The following SYNE1 variants were observed in gnomAD, a reference collection of about 807,000 sequenced individuals.
The protein encoded by SYNE1 is spectrin repeat containing nuclear envelope protein 1, also known as nesprin-1.
Under a neutral mutation model 1,111.0 loss-of-function variants are expected in SYNE1, and 616 were observed. The ratio of observed to expected loss-of-function variants is 0.55; its 90% CI spans 0.52 to 0.59. SYNE1 has a LOEUF of 0.59. Ranked by LOEUF, SYNE1 falls within the 20% of genes least tolerant of loss-of-function variation. The pLI, the probability that SYNE1 is intolerant of heterozygous loss-of-function variation, is 0.00. For missense variants in SYNE1, 10,006 were observed against 10,417.0 expected, an observed-to-expected ratio of 0.96 and a Z score of 1.72; for synonymous variants, 3,855 against 3,825.8, an observed-to-expected ratio of 1.01 and a Z score of -0.28.
chr6:152,351,942 G>A (rs547380917), intron 70 of SYNE1, 85 bp downstream of exon 70: 13 of 1,269,374 alleles, frequency 1.0e-5, no homozygotes, highest in African/African-American at 5.9e-5. Context: ...CAGCTGTTAC[G>A]GGTGACACCC....
intron 98 of SYNE1, among the ~76,000 whole-genome samples, chr6:152,270,837 C>T (rs2093142267): frequency 6.6e-6 from 1 of 152,156 alleles, no homozygotes; most frequent in Admixed American, 6.5e-5. Flanking sequence ...GAGACAATTG[C>T]ACTCTGCATG....
chr6:152,151,543 AATCT>A lies in SYNE1; in HGVS notation c.24450+6_24450+9del. 1 of 1,613,680 alleles carries A rather than the reference AATCT, an allele frequency of 6.2e-7. No homozygotes were observed. Among genetic ancestry groups the A allele is most frequent in the Non-Finnish European group, 8.5e-7 (1 of 1,179,920 alleles). ...TCTTCACTTTGGTAACTTGAAAAATAATCTATTACCTTGAGTTGCTTTATTTTAG... is the reference window on the plus strand; with the variant it reads ...TCTTCACTTTGGTAACTTGAAAAATAATTACCTTGAGTTGCTTTATTTTAG... On this transcript the variant is annotated splice_donor_region_variant and intron_variant, in intron 135 of 145. Transcript: ENST00000367255.
At chr6:152,569,353 T>A (rs2099432413) in intron 3 of SYNE1, among the ~76,000 whole-genome samples, 1 of 152,224 alleles carries the variant, frequency 6.6e-6, no homozygotes, top group Non-Finnish European at 1.5e-5. Flanking sequence ...GATTCTCCTT[T>A]CAGTTTCCTC....
At chr6:152,529,399 T>C (rs2099184728) in intron 4 of SYNE1, among the ~76,000 whole-genome samples, 1 of 152,160 alleles carries the variant, frequency 6.6e-6, no homozygotes, top group South Asian at 2.1e-4. Context: ...ATTCTCTGCT[T>C]GGGTCCAGAA....
intron 3 of SYNE1, among the ~76,000 whole-genome samples, chr6:152,622,202 GT>G (rs2099676953): frequency 1.3e-5 from 2 of 152,118 alleles, no homozygotes; most frequent in South Asian, 2.1e-4. Flanking sequence ...CAATAAATGA[GT>G]TTTTGACACT....
chr6:152,153,117 C>T (rs1294423738), intron 133 of SYNE1, among the ~76,000 whole-genome samples: 1 of 152,206 alleles, frequency 6.6e-6, no homozygotes, highest in Non-Finnish European at 1.5e-5. Flanking sequence ...CTTGGCTCAT[C>T]ACACTGTTTA....
chr6:152,299,997 G>C (rs1180875470), intron 93 of SYNE1, among the ~76,000 whole-genome samples: 1 of 152,058 alleles, frequency 6.6e-6, no homozygotes, highest in Non-Finnish European at 1.5e-5. Flanking sequence ...AAAGCTTTTT[G>C]ACATTTAATT....
chr6:152,219,481 A>T (rs2079560690), intron 119 of SYNE1, among the ~76,000 whole-genome samples: 2 of 141,604 alleles, frequency 1.4e-5, no homozygotes, highest in Admixed American at 1.5e-4. Context: ...GCAGAAAAAC[A>T]TACATAAACA....
intron 3 of SYNE1, among the ~76,000 whole-genome samples, chr6:152,620,246 C>T (rs1353851934): frequency 6.6e-6 from 1 of 152,102 alleles, no homozygotes; most frequent in Non-Finnish European, 1.5e-5. Flanking sequence ...TTCTTAGTCT[C>T]ATATGTGGGA....
intron 3 of SYNE1, among the ~76,000 whole-genome samples, chr6:152,626,271 C>T (rs2099685528): frequency 7.2e-6 from 1 of 139,500 alleles, no homozygotes; most frequent in East Asian, 2.5e-4. Context: ...TTGCAACTTT[C>T]ACTTATGGTC....
intron 93 of SYNE1, among the ~76,000 whole-genome samples, chr6:152,299,030 T>C (rs1309779539): frequency 6.6e-6 from 1 of 152,152 alleles, no homozygotes; most frequent in African/African-American, 2.4e-5. Flanking sequence ...CTCACTGAGT[T>C]TTAGGACCTG....
chr6:152,132,838 T>A (rs2056152931), intron 143 of SYNE1, among the ~76,000 whole-genome samples: 1 of 151,374 alleles, frequency 6.6e-6, no homozygotes, highest in African/African-American at 2.4e-5. Flanking sequence ...GAAAAAAAAA[T>A]ATAAAAAATT....
chr6:152,398,502 T>C, intron 49 of SYNE1, 117 bp downstream of exon 49: 1 of 830,648 alleles, frequency 1.2e-6, no homozygotes, highest in East Asian at 2.6e-5. Flanking sequence ...CCTAATTCTG[T>C]TAGGGACGAG....
chr6:152,479,306 A>C (rs998240950), intron 14 of SYNE1, among the ~76,000 whole-genome samples: 13 of 152,218 alleles, frequency 8.5e-5, no homozygotes, highest in African/African-American at 2.9e-4. Context: ...TCTTCAAGAA[A>C]GGAAGGCAAG....
At chr6:152,160,690 T>C (rs2062302877) in intron 131 of SYNE1, among the ~76,000 whole-genome samples, 1 of 152,154 alleles carries the variant, frequency 6.6e-6, no homozygotes, top group African/African-American at 2.4e-5. Context: ...TTGTAGATAT[T>C]AAGTGGCAGG....
intron 10 of SYNE1, among the ~76,000 whole-genome samples, chr6:152,499,500 G>T (rs1387381602): frequency 1.3e-5 from 2 of 152,072 alleles, no homozygotes; most frequent in African/African-American, 4.8e-5. Flanking sequence ...AAGCCTGGTA[G>T]ATATGTTCAT....
chr6:152,275,567 G>T (rs972452206), intron 98 of SYNE1, among the ~76,000 whole-genome samples: 1 of 151,854 alleles, frequency 6.6e-6, no homozygotes, highest in Non-Finnish European at 1.5e-5. Flanking sequence ...TTTAATTATT[G>T]TAATATTGTA....
chr6:152,560,697 C>A (rs935128400), intron 3 of SYNE1, among the ~76,000 whole-genome samples: 39 of 152,086 alleles, frequency 2.6e-4, no homozygotes, highest in Admixed American at 2.2e-3. Context: ...GAAACACTAG[C>A]AAACCAAATT....
intron 70 of SYNE1, 93 bp from the exon 71 acceptor site, chr6:152,350,863 C>G: frequency 4.2e-6 from 6 of 1,444,446 alleles, no homozygotes; most frequent in Non-Finnish European, 5.8e-6. Context: ...GATGATCTAC[C>G]TCAAAGAAAG....
Sources: allele counts gnomAD v4.1 joint callset (sites outside exome capture counted in the v4.1 genomes callset), GRCh38; gene constraint gnomAD v4.1.1; transcripts MANE v1.5; gene names NCBI Gene and HGNC (gene_info 2026-07-23, HGNC 2026-07-21).